The following EPHB2 variants were observed in gnomAD, a reference collection of about 807,000 sequenced individuals.
EPHB2 encodes EPH receptor B2.
A neutral mutation model predicts 96.4 loss-of-function variants in EPHB2; 18 were observed. That is an observed-to-expected ratio of 0.19 (90% CI 0.13 to 0.28). The LOEUF (loss-of-function observed/expected upper bound fraction) is 0.28. Among genes scored for constraint, EPHB2 ranks in the 10% least tolerant of loss-of-function variants. The probability of loss-of-function intolerance (pLI) is 1.00; values close to 1 mark genes in which losing one functional copy is unlikely to be tolerated. For missense variants in EPHB2, 989 were observed against 1,355.4 expected, an observed-to-expected ratio of 0.73 and a Z score of 4.25; for synonymous variants, 506 against 534.1, an observed-to-expected ratio of 0.95 and a Z score of 0.72.
intron 5 of EPHB2, among the ~76,000 whole-genome samples, chr1:22,876,870 AC>A (rs1426549328): frequency 1.3e-5 from 2 of 152,046 alleles, no homozygotes; most frequent in Non-Finnish European, 2.9e-5. Flanking sequence ...CCTCCTTGCC[AC>A]GCCTGGGGTT....
At chr1:22,736,311 G>A (rs116374438) in intron 1 of EPHB2, among the ~76,000 whole-genome samples, 3 of 152,272 alleles carry the variant, frequency 2.0e-5, no homozygotes, top group African/African-American at 4.8e-5. Context: ...GGGACAAGGC[G>A]GCCCCTCTTG....
chr1:22,806,480 C>T (rs548942071), intron 3 of EPHB2, among the ~76,000 whole-genome samples: 30 of 76,310 alleles, frequency 3.9e-4, no homozygotes, highest in East Asian at 5.7e-4. Context: ...GATGGATGGA[C>T]GGACGGACGG....
rs1023025920 is a variant in EPHB2, at chr1:22,732,484, A to G, written c.61+21441A>G. On this transcript the variant is annotated intron_variant, in intron 1 of 15. Coordinates refer to ENST00000374630, the MANE Select transcript of EPHB2 (RefSeq NM_017449.5). ...GAGTATTTTTAAAATGCCTTGTTGAAATAAAAATAGTCCATTTCCATATGA... is the reference window on the plus strand; with the variant it reads ...GAGTATTTTTAAAATGCCTTGTTGAGATAAAAATAGTCCATTTCCATATGA... Among the ~76,000 whole-genome samples, 45 of 152,312 alleles carry G rather than the reference A, an allele frequency of 3.0e-4. 1 individual carries two copies. The highest frequency in any genetic ancestry group is 1.0e-3 in the African/African-American group (42 of 41,564).
At chr1:22,778,557 C>A (rs879336445) in intron 1 of EPHB2, among the ~76,000 whole-genome samples, 31 of 152,328 alleles carry the variant, frequency 2.0e-4, no homozygotes, top group Admixed American at 1.2e-3. Flanking sequence ...CAGAGCCAGG[C>A]CTCCAGGCAA....
chr1:22,727,470 T>C (rs1224955180), intron 1 of EPHB2, among the ~76,000 whole-genome samples: 1 of 152,212 alleles, frequency 6.6e-6, no homozygotes, highest in Non-Finnish European at 1.5e-5. Flanking sequence ...AGGGAATGGT[T>C]GCCAGTACCT....
intron 1 of EPHB2, among the ~76,000 whole-genome samples, chr1:22,714,357 G>A (rs1643239005): frequency 6.6e-6 from 1 of 152,174 alleles, no homozygotes; most frequent in Admixed American, 6.5e-5. Context: ...TCATGCTAAC[G>A]AACTGTGTTC....
At chr1:22,746,375 G>A (rs990669212) in intron 1 of EPHB2, among the ~76,000 whole-genome samples, 3 of 152,220 alleles carry the variant, frequency 2.0e-5, no homozygotes, top group Non-Finnish European at 4.4e-5. Flanking sequence ...ACCAAGCTGG[G>A]GAACATCTTG....
rs1040520636 is a variant in EPHB2 at position 22,916,101 on chromosome 1, C to A, written c.*2531C>A. 1 of 152,300 alleles carries A rather than the reference C, an allele frequency of 6.6e-6. No individual in the cohort carries two copies. The highest frequency in any genetic ancestry group is 1.5e-5 in the Non-Finnish European group (1 of 68,094). 9.4% of individuals were successfully genotyped at this position (152,300 alleles called of 1,614,324 possible). ...TTTCCCACAAACTGGCCGGCAGTGG[C>A]CCACTGGCCTTCACTTTGTGCCCCA... On this transcript the variant is annotated 3_prime_UTR_variant, in exon 16 of 16. Coordinates refer to ENST00000374630, the MANE Select transcript of EPHB2 (RefSeq NM_017449.5). The surrounding 1 kb of genome is among the most constrained non-coding windows in gnomAD (Gnocchi z 4.2).
chr1:22,763,053 C>T (rs960840412), intron 1 of EPHB2, among the ~76,000 whole-genome samples: 9 of 152,050 alleles, frequency 5.9e-5, no homozygotes, highest in African/African-American at 2.2e-4. Flanking sequence ...CAGAGAGCAG[C>T]CCTGGATCCA....
intron 1 of EPHB2, among the ~76,000 whole-genome samples, chr1:22,760,496 C>G (rs1164407362): frequency 5.3e-5 from 8 of 152,204 alleles, no homozygotes; most frequent in Non-Finnish European, 1.0e-4. Flanking sequence ...GTGCCCTCTT[C>G]CCCAGCTTCA....
chr1:22,888,377 G>A (rs1639292956), intron 6 of EPHB2, among the ~76,000 whole-genome samples: 1 of 152,142 alleles, frequency 6.6e-6, no homozygotes, highest in Admixed American at 6.5e-5. Context: ...GATGGTGGGA[G>A]CCAACATTTA....
chr1:22,727,895 A>T (rs535588366), intron 1 of EPHB2, among the ~76,000 whole-genome samples: 1 of 150,608 alleles, frequency 6.6e-6, no homozygotes, highest in South Asian at 2.1e-4. Context: ...CTCCTGCCCC[A>T]GCCTCCCAAA....
At chr1:22,880,845 A>G (rs1639017050) in intron 5 of EPHB2, among the ~76,000 whole-genome samples, 1 of 152,200 alleles carries the variant, frequency 6.6e-6, no homozygotes, top group Non-Finnish European at 1.5e-5. Context: ...GAAGGAGGCA[A>G]AAGACAGCAG....
intron 3 of EPHB2, among the ~76,000 whole-genome samples, chr1:22,821,965 A>G (rs191141467): frequency 6.6e-6 from 1 of 152,302 alleles, no homozygotes; most frequent in African/African-American, 2.4e-5. Flanking sequence ...GGAAGGGGCA[A>G]TGGATAAGGG....
Position 22,752,002 on chromosome 1 carries a change from G to A in EPHB2, c.62-29419G>A, listed in dbSNP as rs562427607. 2.0e-5 allele frequency among the ~76,000 whole-genome samples: 3 copies of A among 152,342 alleles called. No homozygotes were observed. In the South Asian group the frequency reaches 6.2e-4, roughly 32 times the overall value. On this transcript the variant is annotated intron_variant, in intron 1 of 15. Transcript: ENST00000374630. Reference sequence around the variant, plus strand: ...ACAGTGACACCAGTCACAGGCTTTGGATTTGGGCGTTCACTAGTTCCGTGT... The same window carrying A: ...ACAGTGACACCAGTCACAGGCTTTGAATTTGGGCGTTCACTAGTTCCGTGT...
At chr1:22,872,688 A>G (rs1638712686) in intron 5 of EPHB2, among the ~76,000 whole-genome samples, 1 of 152,048 alleles carries the variant, frequency 6.6e-6, no homozygotes, top group Admixed American at 6.5e-5. Context: ...CTGTGACACC[A>G]CTCCACATGG....
chr1:22,829,903 T>A (rs1489697081), intron 3 of EPHB2, among the ~76,000 whole-genome samples: 1 of 152,078 alleles, frequency 6.6e-6, no homozygotes, highest in Non-Finnish European at 1.5e-5. Context: ...GAGCTTTTGT[T>A]TGGGCAGCAA....
chr1:22,729,301 A>G (rs964843953), intron 1 of EPHB2, among the ~76,000 whole-genome samples: 2 of 152,126 alleles, frequency 1.3e-5, no homozygotes, highest in East Asian at 1.9e-4. Context: ...GAAATCTCCA[A>G]ATTAGGATTT....
intron 3 of EPHB2, among the ~76,000 whole-genome samples, chr1:22,809,298 A>C (rs1470646637): frequency 6.6e-6 from 1 of 152,120 alleles, no homozygotes; most frequent in Non-Finnish European, 1.5e-5. Flanking sequence ...GCTGGCCTGG[A>C]GTATTTACTC....
Sources: allele counts gnomAD v4.1 joint callset (sites outside exome capture counted in the v4.1 genomes callset), GRCh38; gene constraint gnomAD v4.1.1; non-coding constraint Gnocchi (gnomAD v3.1); transcripts MANE v1.5; gene names NCBI Gene and HGNC (gene_info 2026-07-23, HGNC 2026-07-21).